The following ASB15 variants were observed in gnomAD, a reference collection of about 807,000 sequenced individuals.
The protein encoded by ASB15 is ankyrin repeat and SOCS box protein 15.
ASB15 carries 54 observed loss-of-function variants against 58.0 expected under a neutral mutation model. That is an observed-to-expected ratio of 0.93 (90% CI 0.75 to 1.17). The LOEUF (loss-of-function observed/expected upper bound fraction) is 1.17, where lower values mean the gene tolerates loss of function less well. Among genes scored for constraint, ASB15 ranks in the 50% most tolerant of loss-of-function variants. The pLI is 0.00. For missense variants in ASB15, 680 were observed against 707.4 expected (o/e 0.96, Z 0.44); for synonymous variants, 249 against 262.4 (o/e 0.95, Z 0.50).
intron 11 of ASB15, among the ~76,000 whole-genome samples, chr7:123,631,368 A>G (rs1209160083): frequency 6.6e-6 from 1 of 152,154 alleles, no homozygotes; most frequent in Non-Finnish European, 1.5e-5. Flanking sequence ...AAGTATTAAC[A>G]TTTTTATGTT....
upstream of ASB15, among the ~76,000 whole-genome samples, chr7:123,601,392 A>G (rs1156286033): frequency 6.6e-6 from 1 of 152,214 alleles, no homozygotes; most frequent in East Asian, 1.9e-4. Flanking sequence ...ACAAAAATCA[A>G]AGACAGCAAA....
rs1399901001 is a variant in ASB15, at chr7:123,628,866, C to T, written c.872C>T (p.Ala291Val). The change falls in exon 10 of 12, where the codon GCA (alanine) becomes GTA (valine). Residue 291 changes from alanine to valine, a missense_variant and splice_region_variant. By Grantham distance (64) the Ala-to-Val change is moderately conservative. Transcript: ENST00000451215. ...HRAAYEGHYL[A>V]LKYLIPVTSK... is the part of the protein sequence containing the mutation. ...GATATTTGACTTTTTTCTTTTAGTG[C>T]ACTGAAATATCTTATCCCAGTAACA... 3 of 1,505,294 alleles carry T rather than the reference C, an allele frequency of 2.0e-6. No homozygotes were observed. Among genetic ancestry groups the T allele is most frequent in the Non-Finnish European group, 2.7e-6 (3 of 1,123,742 alleles). 93.2% of individuals were successfully genotyped at this position (1,505,294 alleles called of 1,614,324 possible).
Position 123,624,746 on chromosome 7 carries a change from G to T in ASB15, c.629G>T (p.Gly210Val). 1.9e-6 allele frequency: 3 copies of T among 1,614,044 alleles called. No homozygotes were observed. The highest frequency in any genetic ancestry group is 2.5e-6 in the Non-Finnish European group (3 of 1,179,910). The change falls in exon 8 of 12, where the codon GGA becomes GTA. Residue 210 changes from glycine (G) to valine (V), a missense_variant. Physicochemically the swap from Gly to Val is moderately radical, Grantham distance 109 (BLOSUM62 -3). Transcript: ENST00000451215. Reference protein sequence around the residue: ...GGNVHLRDGFGVTPLGVAAEY... With the variant: ...GGNVHLRDGFVVTPLGVAAEY... ...AATGTCCACCTGAGAGATGGATTTG[G>T]AGTCACACCACTAGGCGTCGCTGCC... is the stretch of plus-strand genomic sequence containing the variant.
intron 9 of ASB15, among the ~76,000 whole-genome samples, chr7:123,628,540 T>G (rs1326896435): frequency 6.6e-6 from 1 of 152,218 alleles, no homozygotes; most frequent in Admixed American, 6.5e-5. Flanking sequence ...AAAATAGTAT[T>G]GGTTGCCTGT....
Position 123,617,057 on chromosome 7 carries a change from T to G in ASB15, c.293-522T>G, listed in dbSNP as rs555620377. On this transcript the variant is annotated intron_variant, in intron 6 of 11. Transcript: ENST00000451215. ...GCATCTTACAGAACACTTTTGAGAG[T>G]GCCCTATCGTTCAGCTTCCACTGTT... Among the ~76,000 whole-genome samples, 6 of 152,106 alleles carry G rather than the reference T, an allele frequency of 3.9e-5. 1 individual carries two copies. Among genetic ancestry groups the G allele is most frequent in the Admixed American group, 3.3e-4 (5 of 15,266 alleles).
At chr7:123,630,170 G>A (rs749642508) in intron 11 of ASB15, 51 bp downstream of exon 11, 7 of 1,361,320 alleles carry the variant, frequency 5.1e-6, no homozygotes, top group Non-Finnish European at 7.0e-6. Flanking sequence ...ACTTATATGG[G>A]GGAAATTTCT....
At chr7:123,623,872 A>AAAAAAGAAAAG (rs1554395606) in intron 7 of ASB15, among the ~76,000 whole-genome samples, 32 of 99,608 alleles carry the variant, frequency 3.2e-4, no homozygotes, top group Middle Eastern at 4.9e-3. Context: ...TCAAAAAAAA[A>AAAAAAGAAAAG]AAAAGAAAAG....
rs190847095 is a variant in ASB15, at chr7:123,607,136, G to A, written c.-63-1458G>A. The stretch of plus-strand genomic sequence containing the variant: ...ATATTTCACAATGTATACATATGTC[G>A]AATTATCAAGTTGTACATGGTAAAT... On this transcript the variant is annotated intron_variant, in intron 2 of 11. Coordinates refer to ENST00000451215, the MANE Select transcript of ASB15 (RefSeq NM_001290258.2). Among the ~76,000 whole-genome samples the A allele has an allele frequency of 8.5e-5, 13 of 152,200 alleles. No homozygotes were observed. In the East Asian group the frequency reaches 1.4e-3, roughly 16 times the overall value.
chr7:123,635,585 T>C (rs1211923204), intron 11 of ASB15, among the ~76,000 whole-genome samples: 4 of 5,210 alleles, frequency 7.7e-4, no homozygotes, highest in Non-Finnish European at 3.1e-3. Flanking sequence ...ATTAATTGCT[T>C]TTTTTTTTTT....
chr7:123,630,236 T>G, intron 11 of ASB15, 117 bp downstream of exon 11: 1 of 738,618 alleles, frequency 1.4e-6, no homozygotes, highest in Admixed American at 3.5e-5. Context: ...CAGAATTATC[T>G]GGGTTTTAAA....
At chr7:123,605,661 C>T (rs1800112350) in intron 2 of ASB15, among the ~76,000 whole-genome samples, 1 of 152,056 alleles carries the variant, frequency 6.6e-6, no homozygotes, top group Non-Finnish European at 1.5e-5. Context: ...TACTAGCCAG[C>T]CACAAAAAAG....
chr7:123,617,691 G>A lies in ASB15; in HGVS notation c.405G>A (p.Val135=). 6.2e-7 allele frequency: 1 copy of A among 1,613,118 alleles called. No individual in the cohort carries two copies. The highest frequency in any genetic ancestry group is 8.5e-7 in the Non-Finnish European group (1 of 1,179,096). ...ENVRTLLEKG[V]WPNTKNDKGE... ...TAAGAACTTTATTAGAAAAGGGAGTGTGGCCCAACACAAAAAATGATAAAG... is the reference window on the plus strand; with the variant it reads ...TAAGAACTTTATTAGAAAAGGGAGTATGGCCCAACACAAAAAATGATAAAG... Residue 135 remains valine (V), a synonymous_variant, in exon 7 of 12, where the codon GTG becomes GTA. Coordinates refer to ENST00000451215, the MANE Select transcript of ASB15 (RefSeq NM_001290258.2).
At chr7:123,620,708 G>A (rs1443841066) in intron 7 of ASB15, among the ~76,000 whole-genome samples, 1 of 147,256 alleles carries the variant, frequency 6.8e-6, no homozygotes, top group Non-Finnish European at 1.5e-5. Flanking sequence ...GACTACAGGC[G>A]CCCACCACCA....
intron 11 of ASB15, among the ~76,000 whole-genome samples, chr7:123,635,452 A>G (rs1450958322): frequency 6.6e-6 from 1 of 152,190 alleles, no homozygotes; most frequent in Non-Finnish European, 1.5e-5. Context: ...TTCTCATAGT[A>G]ATAGACATAG....
intron 7 of ASB15, among the ~76,000 whole-genome samples, chr7:123,618,353 G>T (rs964429295): frequency 6.6e-6 from 1 of 152,204 alleles, no homozygotes; most frequent in African/African-American, 2.4e-5. Flanking sequence ...AAATGACCCA[G>T]AGATAACATT....
intron 7 of ASB15, chr7:123,619,924 G>A (rs1022126118): frequency 5.3e-5 from 8 of 152,164 alleles, no homozygotes; most frequent in Non-Finnish European, 8.8e-5. Context: ...TACAGACAAA[G>A]CTTCTGTAAC....
chr7:123,604,731 C>G (rs1800056117), intron 2 of ASB15, among the ~76,000 whole-genome samples: 1 of 152,040 alleles, frequency 6.6e-6, no homozygotes, highest in Admixed American at 6.6e-5. Context: ...CAGTCTTTAA[C>G]TCTGAAAATT....
intron 9 of ASB15, 61 bp downstream of exon 9, chr7:123,627,342 T>TA: frequency 7.2e-7 from 1 of 1,398,444 alleles, no homozygotes; most frequent in Non-Finnish European, 9.8e-7. Flanking sequence ...ATATACAGTA[T>TA]AATCACAAGT....
Position 123,614,582 on chromosome 7 carries a change from C to A in ASB15, c.80C>A (p.Ala27Asp), listed in dbSNP as rs1363830036. ...CTAAGTATTCAAGAATCCATTGAAG[C>A]CAGCAAGACTGCACTTTGTCCTGAA... is the stretch of plus-strand genomic sequence containing the variant. ...IQLSIQESIEASKTALCPERF... is the reference protein window; with the variant it reads ...IQLSIQESIEDSKTALCPERF... Residue 27 changes from alanine (A) to aspartate (D), a missense_variant, in exon 4 of 12, where the codon GCC becomes GAC. Physicochemically the swap from Ala to Asp is moderately radical, Grantham distance 126 (BLOSUM62 -2). Coordinates refer to ENST00000451215, the MANE Select transcript of ASB15 (RefSeq NM_001290258.2). 6.2e-7 allele frequency: 1 copy of A among 1,608,604 alleles called. No individual in the cohort carries two copies. Among genetic ancestry groups the A allele is most frequent in the Non-Finnish European group, 8.5e-7 (1 of 1,175,390 alleles).
Sources: gnomAD v4.1 joint callset for allele counts (sites outside exome capture counted in the v4.1 genomes callset) on GRCh38, gnomAD v4.1.1 for gene constraint, MANE v1.5 for transcripts, NCBI Gene and HGNC (gene_info 2026-07-23, HGNC 2026-07-21) for gene names.